VCL: variants seen among roughly 807,000 people sequenced by gnomAD.
VCL encodes vinculin.
A neutral mutation model predicts 125.7 loss-of-function variants in VCL; 47 were observed. That is an observed-to-expected ratio of 0.37 (90% CI 0.30 to 0.48). The LOEUF (loss-of-function observed/expected upper bound fraction) is 0.48, where lower values mean the gene tolerates loss of function less well. VCL is among the 20% of genes least tolerant of loss of function. VCL has a pLI of 0.99. For synonymous variants in VCL, 458 were observed against 514.6 expected (o/e 0.89, Z 1.49); for missense variants, 1,069 against 1,455.5 (o/e 0.73, Z 4.32).
At chr10:74,092,572 T>A (rs544104531) in intron 10 of VCL, among the ~76,000 whole-genome samples, 1 of 152,206 alleles carries the variant, frequency 6.6e-6, no homozygotes, top group African/African-American at 2.4e-5. Context: ...GGATCCTCTA[T>A]GTCTGTTTCA....
Position 74,009,320 on chromosome 10 carries a change from G to A in VCL, c.168+10945G>A, listed in dbSNP as rs1402381811. ...ATTGCCCAGGCTGGAGTGCAGTGGC[G>A]CCATCTCGGCTCACTGCAAGCTCCA... On this transcript the variant is annotated intron_variant, in intron 1 of 21. Transcript: ENST00000211998. 5.3e-5 allele frequency among the ~76,000 whole-genome samples: 8 copies of A among 150,502 alleles called. No individual in the cohort carries two copies. In the East Asian group the frequency reaches 1.4e-3, roughly 26 times the overall value.
At chr10:74,093,824 C>A (rs1382394853) in intron 10 of VCL, among the ~76,000 whole-genome samples, 1 of 152,050 alleles carries the variant, frequency 6.6e-6, no homozygotes, top group African/African-American at 2.4e-5. Context: ...CAAACAACAA[C>A]AAAAAATTGC....
chr10:74,039,816 T>G (rs1417295283), intron 1 of VCL, among the ~76,000 whole-genome samples: 3 of 152,138 alleles, frequency 2.0e-5, no homozygotes, highest in African/African-American at 4.8e-5. Flanking sequence ...GATTAATCTC[T>G]TGTTTAGAAC....
At chr10:74,016,491 G>A (rs1370428123) in intron 1 of VCL, among the ~76,000 whole-genome samples, 1 of 152,024 alleles carries the variant, frequency 6.6e-6, no homozygotes, top group Non-Finnish European at 1.5e-5. Context: ...TATGCCTGTA[G>A]TCCCAGCTAC....
intron 1 of VCL, among the ~76,000 whole-genome samples, chr10:74,038,643 G>A (rs1841032109): frequency 6.6e-6 from 1 of 152,074 alleles, no homozygotes; most frequent in Non-Finnish European, 1.5e-5. Flanking sequence ...AAATGCCCTT[G>A]AATATATTTT....
At chr10:74,031,238 T>A (rs1014963721) in intron 1 of VCL, among the ~76,000 whole-genome samples, 2 of 152,086 alleles carry the variant, frequency 1.3e-5, no homozygotes, top group African/African-American at 4.8e-5. Context: ...TCCACTTGCT[T>A]CCCCCACCAC....
intron 2 of VCL, among the ~76,000 whole-genome samples, chr10:74,048,165 C>T (rs994495513): frequency 6.6e-6 from 1 of 152,120 alleles, no homozygotes; most frequent in Admixed American, 6.5e-5. Context: ...CCTTATAACC[C>T]TATAAGAAAT....
intron 1 of VCL, among the ~76,000 whole-genome samples, chr10:74,037,123 G>A (rs1418823046): frequency 6.6e-6 from 1 of 152,086 alleles, no homozygotes; most frequent in East Asian, 1.9e-4. Flanking sequence ...TGTTAGCCAC[G>A]ATGGTCTCCA....
chr10:74,091,791 CAAAAAAAAAAAAAAAAAAA>C (rs545539526), intron 10 of VCL, among the ~76,000 whole-genome samples: 2 of 61,106 alleles, frequency 3.3e-5, no homozygotes, highest in East Asian at 8.2e-4. Context: ...TCTGTCTCAG[CAAAAAAAAAAAAAAAAAAA>C]AAAAGAAAAG....
rs548768602 is a variant in VCL, at chr10:73,998,199, G to C, written c.-9G>C. The C allele has an allele frequency of 2.5e-6, 4 of 1,611,060 alleles. No individual in the cohort carries two copies. In the African/African-American group the frequency reaches 5.3e-5, roughly 21 times the overall value. On this transcript the variant is annotated 5_prime_UTR_variant, in exon 1 of 22. Coordinates refer to ENST00000211998, the MANE Select transcript of VCL (RefSeq NM_014000.3). ...TCGCCCGCGGTTCGCCGCCCCGCTCGCCGCCGCGATGCCAGTGTTTCATAC... is the reference window on the plus strand; with the variant it reads ...TCGCCCGCGGTTCGCCGCCCCGCTCCCCGCCGCGATGCCAGTGTTTCATAC...
At chr10:74,068,150 C>G (rs750562386) in intron 2 of VCL, among the ~76,000 whole-genome samples, 6 of 152,112 alleles carry the variant, frequency 3.9e-5, no homozygotes, top group Non-Finnish European at 8.8e-5. Flanking sequence ...CATATGCATA[C>G]CTTTGACTCA....
chr10:74,039,773 AAAG>A (rs1841059534), intron 1 of VCL, among the ~76,000 whole-genome samples: 1 of 132,094 alleles, frequency 7.6e-6, no homozygotes, highest in African/African-American at 4.3e-5. Context: ...GTCTCTTAAA[AAAG>A]AAAAGAAAAG....
rs1194043836 is a variant in VCL, at chr10:74,119,842, A to T, written c.*1673A>T. On this transcript the variant is annotated 3_prime_UTR_variant, in exon 22 of 22. Transcript: ENST00000211998. ...CAATATTAATGCCTTTAAAGTATGA[A>T]TCTATGCCAAAGATCACTTGTTGTT... 1 of 152,596 alleles carries T rather than the reference A, an allele frequency of 6.6e-6. No homozygotes were observed. Among genetic ancestry groups the T allele is most frequent in the African/African-American group, 2.4e-5 (1 of 41,420 alleles). 9.5% of individuals were successfully genotyped at this position (152,596 alleles called of 1,614,324 possible).
At chr10:74,020,840 C>CAAAAGA (rs1555114827) in intron 1 of VCL, among the ~76,000 whole-genome samples, 1 of 66,738 alleles carries the variant, frequency 1.5e-5, no homozygotes, top group African/African-American at 5.9e-5. Context: ...GACCTTGTCT[C>CAAAAGA]AAAAAAAAAA....
intron 1 of VCL, among the ~76,000 whole-genome samples, chr10:74,032,786 C>T (rs1350316553): frequency 5.3e-5 from 8 of 151,588 alleles, no homozygotes; most frequent in Admixed American, 5.3e-4. Context: ...ATGGTCAATA[C>T]ACCCATAAAA....
At chr10:74,006,706 T>C (rs546384876) in intron 1 of VCL, among the ~76,000 whole-genome samples, 2 of 152,296 alleles carry the variant, frequency 1.3e-5, no homozygotes, top group Non-Finnish European at 2.9e-5. Context: ...ATGCACAAAT[T>C]ATTACAACTA....
At chr10:74,109,305 C>G in intron 18 of VCL, 149 bp downstream of exon 18, 1 of 1,048,528 alleles carries the variant, frequency 9.5e-7, no homozygotes, top group Non-Finnish European at 1.4e-6. Context: ...CCTCTTCTTA[C>G]CTGTGCTTTA....
chr10:74,058,796 G>A (rs1841428848), intron 2 of VCL, among the ~76,000 whole-genome samples: 1 of 152,100 alleles, frequency 6.6e-6, no homozygotes, highest in Non-Finnish European at 1.5e-5. Flanking sequence ...AGATTGTTTG[G>A]CTTTAGAGTG....
intron 1 of VCL, among the ~76,000 whole-genome samples, chr10:74,026,075 A>C (rs148515118): frequency 6.6e-6 from 1 of 152,288 alleles, no homozygotes; most frequent in East Asian, 1.9e-4. Flanking sequence ...ATGTTTTATT[A>C]TGCAGATGGT....
Sources: gnomAD v4.1 joint callset for allele counts (sites outside exome capture counted in the v4.1 genomes callset) on GRCh38, gnomAD v4.1.1 for gene constraint, MANE v1.5 for transcripts, NCBI Gene and HGNC (gene_info 2026-07-23, HGNC 2026-07-21) for gene names.